WDR59: variants seen among roughly 807,000 people sequenced by gnomAD.
The protein encoded by WDR59 is WD repeat domain 59, also known as GATOR2 complex protein WDR59.
In WDR59, 100 loss-of-function variants were observed where a neutral mutation model predicts 131.2. That is an observed-to-expected ratio of 0.76 (90% CI 0.65 to 0.90). The LOEUF (loss-of-function observed/expected upper bound fraction) is 0.90, where lower values mean the gene tolerates loss of function less well. Among genes scored for constraint, WDR59 ranks in the 40% least tolerant of loss-of-function variants. WDR59 has a pLI of 0.00. For synonymous variants in WDR59, 601 were observed against 466.2 expected (o/e 1.29, Z -3.72); for missense variants, 1,203 against 1,262.2 (o/e 0.95, Z 0.71).
intron 21 of WDR59, 73 bp from the exon 22 acceptor site, chr16:74,888,392 C>T (rs558769437): frequency 2.3e-5 from 34 of 1,456,180 alleles, no homozygotes; most frequent in South Asian, 2.1e-4. Context: ...ACAGTCATGG[C>T]GTGTTACTGC....
At position 74,933,273 on chromosome 16, in the gene WDR59, G is replaced by A. The variant is rs145710128; in HGVS notation, c.651+4877C>T. Reference sequence around the variant, plus strand: ...CTGTGATCATGCCACTTGGAGTGCAGCCTGGGTGACACAGTGAGATCCTGT... The same window carrying A: ...CTGTGATCATGCCACTTGGAGTGCAACCTGGGTGACACAGTGAGATCCTGT... On this transcript the variant is annotated intron_variant, in intron 8 of 25. Coordinates refer to ENST00000262144, the MANE Select transcript of WDR59 (RefSeq NM_030581.4). Among the ~76,000 whole-genome samples, 31 of 152,230 alleles carry A rather than the reference G, an allele frequency of 2.0e-4. No individual in the cohort carries two copies. In the East Asian group the frequency reaches 5.6e-3, roughly 27 times the overall value.
In WDR59 at chr16:74,889,800, T is replaced by C; in HGVS notation, c.2098A>G (p.Thr700Ala). ...KDLVQVWSLA[T>A]VATDLCLGPK... ...CCAAGGCAAAGATCTGTAGCTACCG[T>C]AGCCAGCGACCAAACCTGGACAGAT... The change falls in exon 21 of 26, where the codon ACG becomes GCG. Residue 700 changes from threonine to alanine, a missense_variant. Thr to Ala is a moderately conservative substitution (Grantham distance 58). Coordinates refer to ENST00000262144, the MANE Select transcript of WDR59 (RefSeq NM_030581.4). The C allele has an allele frequency of 6.2e-7, 1 of 1,614,024 alleles. No homozygotes were observed. The highest frequency in any genetic ancestry group is 8.5e-7 in the Non-Finnish European group (1 of 1,179,944).
intron 19 of WDR59, 62 bp downstream of exon 19, chr16:74,893,617 A>C (rs1965148494): frequency 1.3e-6 from 2 of 1,521,714 alleles, no homozygotes; most frequent in African/African-American, 2.8e-5. Context: ...CTCAAAAAAA[A>C]AAAAAGTTTT....
intron 1 of WDR59, among the ~76,000 whole-genome samples, chr16:74,981,631 TATATATATATATATATATATATATA>T (rs1426556503): frequency 5.2e-4 from 3 of 5,798 alleles, no homozygotes; most frequent in Non-Finnish European, 7.9e-4. Context: ...TATATATATA[TATATATATATATATATATATATATA>T]TATATTTTTT....
At chr16:74,984,191 T>A (rs770878560) in intron 1 of WDR59, among the ~76,000 whole-genome samples, 5 of 151,878 alleles carry the variant, frequency 3.3e-5, no homozygotes, top group Non-Finnish European at 5.9e-5. Flanking sequence ...GCAGGAGAAT[T>A]GCTTGAATCC....
intron 14 of WDR59, among the ~76,000 whole-genome samples, chr16:74,910,237 G>A (rs12324946): frequency 0.13 from 19,235 of 151,984 alleles, 1,465 homozygotes; most frequent in African/African-American, 0.21. Context: ...CAAAGTGCTG[G>A]GATTACAGAC....
At chr16:74,940,784 C>A (rs977256415) in intron 7 of WDR59, among the ~76,000 whole-genome samples, 1 of 152,076 alleles carries the variant, frequency 6.6e-6, no homozygotes, top group Admixed American at 6.5e-5. Context: ...CGGCTCACTG[C>A]AAGCTCCGCC....
chr16:74,971,394 AT>A (rs1567442453), intron 1 of WDR59, among the ~76,000 whole-genome samples: 3 of 140,054 alleles, frequency 2.1e-5, no homozygotes, highest in Admixed American at 1.4e-4. Context: ...ATACTGTAAA[AT>A]TTTCATCAGT....
At chr16:74,886,177 C>CA (rs777732079) in intron 24 of WDR59, 93 bp downstream of exon 24, 84,211 of 956,794 alleles carry the variant, frequency 0.088, 52 homozygotes, top group Non-Finnish European at 0.096. Context: ...ATTCTGTGTC[C>CA]AAAAAAAAAA....
chr16:74,892,803 G>C (rs1481674357), intron 19 of WDR59, among the ~76,000 whole-genome samples: 3 of 152,178 alleles, frequency 2.0e-5, no homozygotes, highest in Admixed American at 6.5e-5. Context: ...CCTCTTTAAA[G>C]TCAGGAGGGC....
chr16:74,984,691 A>T lies in WDR59; in HGVS notation c.54+273T>A. On this transcript the variant is annotated intron_variant, in intron 1 of 25. Coordinates refer to ENST00000262144, the MANE Select transcript of WDR59 (RefSeq NM_030581.4). ...TGTGGGAAGCCTCCCCTCAGCACTC[A>T]CGATGCGCAGTCTCTGCCTCAGTGT... 4 of 499,130 alleles carry T rather than the reference A, an allele frequency of 8.0e-6. No homozygotes were observed. In the South Asian group the frequency reaches 9.9e-5, roughly 12 times the overall value. The allele number at this position is 499,130 out of a possible 1,614,324, so 30.9% of individuals were successfully genotyped here. A position where few individuals can be genotyped will look rare whatever the true frequency, so the allele number is the denominator to read the frequency against.
chr16:74,968,282 G>A (rs1381484016), intron 1 of WDR59, among the ~76,000 whole-genome samples: 2 of 152,172 alleles, frequency 1.3e-5, no homozygotes, highest in African/African-American at 4.8e-5. Context: ...AGATTAAAAG[G>A]GTGAGAGATT....
intron 1 of WDR59, among the ~76,000 whole-genome samples, chr16:74,966,310 A>G (rs547476253): frequency 8.6e-5 from 13 of 151,778 alleles, no homozygotes; most frequent in Admixed American, 2.0e-4. Flanking sequence ...TGAAACCCCA[A>G]CTCTACTAAA....
chr16:74,904,320 C>G, intron 17 of WDR59: 1 of 520,852 alleles, frequency 1.9e-6, no homozygotes, highest in Non-Finnish European at 3.4e-6. Context: ...AAGGAATCTA[C>G]AAACTACTAG....
In WDR59 at chr16:74,938,247, T is replaced by C. The variant is rs372389250; in HGVS notation, c.554A>G (p.Glu185Gly). The change falls in exon 8 of 26, where the codon GAA (glutamate) becomes GGA (glycine). Residue 185 changes from glutamate to glycine, a missense_variant. Coordinates refer to ENST00000262144, the MANE Select transcript of WDR59 (RefSeq NM_030581.4). Reference protein sequence around the residue: ...WDKRKPSTAVEYLAAHLSKIH... With the variant: ...WDKRKPSTAVGYLAAHLSKIH... ...TTTGGAGAGGTGGGCGGCTAGATAT[T>C]CCACTGCTGTACTGGGTTTCTGCAA... 1 of 1,563,912 alleles carries C rather than the reference T, an allele frequency of 6.4e-7. No homozygotes were observed. Among genetic ancestry groups the C allele is most frequent in the African/African-American group, 1.4e-5 (1 of 72,498 alleles).
Position 74,923,958 on chromosome 16 carries a change from A to G in WDR59, c.697T>C (p.Cys233Arg). ...CTGGCCTTCCAGACAGGCACCTGGCAAGGAAGAATATTGAGGTATTTCCGA... is the reference window on the plus strand; with the variant it reads ...CTGGCCTTCCAGACAGGCACCTGGCGAGGAAGAATATTGAGGTATTTCCGA... ...QPRKYLNILP[C>R]QVPVWKARYT... The change falls in exon 9 of 26, where the codon TGC becomes CGC. Residue 233 changes from cysteine to arginine, a missense_variant. Transcript: ENST00000262144. 6.2e-7 allele frequency: 1 copy of G among 1,613,850 alleles called. No homozygotes were observed. The highest frequency in any genetic ancestry group is 8.5e-7 in the Non-Finnish European group (1 of 1,179,984).
intron 1 of WDR59, among the ~76,000 whole-genome samples, chr16:74,983,265 G>C (rs1050704600): frequency 6.6e-6 from 1 of 152,072 alleles, no homozygotes; most frequent in African/African-American, 2.4e-5. Context: ...TTGAGGCCAG[G>C]AGTTCAAGAC....
At chr16:74,921,871 C>T in intron 10 of WDR59, 76 bp downstream of exon 10, 3 of 1,522,690 alleles carry the variant, frequency 2.0e-6, no homozygotes, top group Non-Finnish European at 1.8e-6. Flanking sequence ...CTTTACTGGA[C>T]TCCATGGCAA....
chr16:74,934,599 A>G (rs117927176), intron 8 of WDR59, among the ~76,000 whole-genome samples: 3,871 of 152,150 alleles, frequency 0.025, 76 homozygotes, highest in Non-Finnish European at 0.041. Flanking sequence ...TCTCCTTTTC[A>G]TTTACCCTTT....
Sources: gnomAD v4.1 joint callset for allele counts (sites outside exome capture counted in the v4.1 genomes callset) on GRCh38, gnomAD v4.1.1 for gene constraint, MANE v1.5 for transcripts, NCBI Gene and HGNC (gene_info 2026-07-23, HGNC 2026-07-21) for gene names.